Variants in NBPF3 observed in about 807,000 individuals in gnomAD.
The protein encoded by NBPF3 is NBPF family member NBPF3.
In NBPF3, 57 loss-of-function variants were observed where a neutral mutation model predicts 78.1. That is an observed-to-expected ratio of 0.73 (90% CI 0.59 to 0.91). The LOEUF is 0.91. Ranked by LOEUF, NBPF3 falls within the 40% of genes least tolerant of loss-of-function variation. The pLI, the probability that NBPF3 is intolerant of heterozygous loss-of-function variation, is 0.00. For synonymous variants in NBPF3, 182 were observed against 271.7 expected (o/e 0.67, Z 3.25); for missense variants, 510 against 715.3 (o/e 0.71, Z 3.27).
Position 21,484,038 on chromosome 1 carries a change from A to C in NBPF3, c.*652A>C, listed in dbSNP as rs1643356548. ...CTGCTCCTTTCAATTCCATCCTGTA[A>C]AGAACAGGAGTCAGGAGCCGCTGGC... On this transcript the variant is annotated 3_prime_UTR_variant, in exon 15 of 15. Coordinates refer to ENST00000318249, the MANE Select transcript of NBPF3 (RefSeq NM_032264.6). The C allele has an allele frequency of 6.7e-6, 1 of 148,408 alleles. No individual in the cohort carries two copies. Among genetic ancestry groups the C allele is most frequent in the Non-Finnish European group, 1.5e-5 (1 of 67,116 alleles). 9.2% of individuals were successfully genotyped at this position (148,408 alleles called of 1,614,324 possible).
chr1:21,479,413 A>G lies in NBPF3; in HGVS notation c.1208+13A>G. The stretch of plus-strand genomic sequence containing the variant: ...CCACAAGTCCCAGGTGAGTCTGAGA[A>G]ATTATGGACAGTTAATTTGATGTTG... On this transcript the variant is annotated intron_variant, in intron 10 of 14. Coordinates refer to ENST00000318249, the MANE Select transcript of NBPF3 (RefSeq NM_032264.6). 1 of 1,607,650 alleles carries G rather than the reference A, an allele frequency of 6.2e-7. No individual in the cohort carries two copies. The highest frequency in any genetic ancestry group is 8.5e-7 in the Non-Finnish European group (1 of 1,177,294).
intron 2 of NBPF3, among the ~76,000 whole-genome samples, chr1:21,456,237 T>C (rs1415659880): frequency 6.6e-6 from 1 of 152,178 alleles, no homozygotes; most frequent in African/African-American, 2.4e-5. Flanking sequence ...ACACAATCAA[T>C]GACACAAGTT....
chr1:21,478,623 G>C (rs1033629308), intron 9 of NBPF3, among the ~76,000 whole-genome samples: 10 of 152,216 alleles, frequency 6.6e-5, no homozygotes, highest in African/African-American at 2.4e-4. Context: ...TTGTCTGTCA[G>C]ATCAGCTCAC....
At chr1:21,463,588 A>G (rs1642076765) in intron 2 of NBPF3, among the ~76,000 whole-genome samples, 1 of 152,234 alleles carries the variant, frequency 6.6e-6, no homozygotes, top group Admixed American at 6.5e-5. Flanking sequence ...AGGCACAAAC[A>G]ACCGAAAAAT....
rs1317124010 is a variant in NBPF3, at chr1:21,445,040, G to A, written c.-47G>A. On this transcript the variant is annotated 5_prime_UTR_variant, in exon 2 of 15. Coordinates refer to ENST00000318249, the MANE Select transcript of NBPF3 (RefSeq NM_032264.6). Reference sequence around the variant, plus strand: ...AATTGTCCCTTGCCGTCCTCCTGAGGGTATCTGGAGCTTCAGTGCTGTGTG... The same window carrying A: ...AATTGTCCCTTGCCGTCCTCCTGAGAGTATCTGGAGCTTCAGTGCTGTGTG... 3 of 1,581,626 alleles carry A rather than the reference G, an allele frequency of 1.9e-6. No homozygotes were observed. The South Asian group carries it at 3.4e-5, about 18-fold the overall frequency.
chr1:21,470,030 TTA>T (rs1333300267), intron 3 of NBPF3, among the ~76,000 whole-genome samples: 1 of 152,228 alleles, frequency 6.6e-6, no homozygotes, highest in Non-Finnish European at 1.5e-5. Context: ...TAACACTCTG[TTA>T]GTTCTTCATT....
chr1:21,453,934 A>C lies in NBPF3; in HGVS notation c.133+8715A>C, dbSNP rs1409975016. 2.6e-5 allele frequency: 4 copies of C among 152,198 alleles called. No homozygotes were observed. In the East Asian group the frequency reaches 7.7e-4, roughly 29 times the overall value. 9.4% of individuals were successfully genotyped at this position (152,198 alleles called of 1,614,324 possible). On this transcript the variant is annotated intron_variant, in intron 2 of 14. Transcript: ENST00000318249. ...GGCCCTGAAGCCATTTATGTGGGTGACTGAGGAAAGGGAAATACTCAGAGC... is the reference window on the plus strand; with the variant it reads ...GGCCCTGAAGCCATTTATGTGGGTGCCTGAGGAAAGGGAAATACTCAGAGC...
intron 8 of NBPF3, among the ~76,000 whole-genome samples, chr1:21,477,549 G>T (rs1363843372): frequency 5.3e-5 from 8 of 152,022 alleles, no homozygotes; most frequent in South Asian, 2.1e-4. Context: ...GTCTGGTGGA[G>T]TTTGCTGGAG....
chr1:21,471,373 C>G (rs1330080801), intron 4 of NBPF3, among the ~76,000 whole-genome samples, 196 bp from the exon 5 acceptor site: 2 of 152,148 alleles, frequency 1.3e-5, no homozygotes, highest in Non-Finnish European at 2.9e-5. Context: ...CTTCCAGGAG[C>G]CCTCTCTCAT....
At chr1:21,441,266 T>A (rs1414834131) in intron 1 of NBPF3, among the ~76,000 whole-genome samples, 6 of 152,216 alleles carry the variant, frequency 3.9e-5, no homozygotes, top group Non-Finnish European at 8.8e-5. Context: ...TTCTTTTTGT[T>A]TTTAAATTTT....
chr1:21,454,330 A>T (rs1641477026), intron 2 of NBPF3: 1 of 152,134 alleles, frequency 6.6e-6, no homozygotes, highest in African/African-American at 2.4e-5. Flanking sequence ...TTACTGATAA[A>T]CTCAATAGTT....
chr1:21,472,732 C>T (rs1478388765), intron 5 of NBPF3, 111 bp from the exon 6 acceptor site: 2 of 824,138 alleles, frequency 2.4e-6, no homozygotes, highest in Non-Finnish European at 4.3e-6. Flanking sequence ...TGAGAGCTTT[C>T]AGCTGAACAG....
Position 21,471,760 on chromosome 1 carries a change from A to G in NBPF3, c.638A>G (p.His213Arg). The change falls in exon 5 of 15, where the codon CAC (histidine) becomes CGC (arginine). Residue 213 changes from histidine to arginine, a missense_variant. By Grantham distance (29) the His-to-Arg change is conservative. This residue lies in a region of NBPF3 where 440 missense variants were observed against 478.2 expected (regional missense o/e 0.92). Coordinates refer to ENST00000318249, the MANE Select transcript of NBPF3 (RefSeq NM_032264.6). ...QLAEGCRLAQ[H>R]LVQKLSPEND... Reference sequence around the variant, plus strand: ...GCTGAGGGATGTAGGCTGGCACAGCACCTCGTCCAAAAGCTCAGCCCAGGT... The same window carrying G: ...GCTGAGGGATGTAGGCTGGCACAGCGCCTCGTCCAAAAGCTCAGCCCAGGT... 6.2e-7 allele frequency: 1 copy of G among 1,612,872 alleles called. No homozygotes were observed. The highest frequency in any genetic ancestry group is 8.5e-7 in the Non-Finnish European group (1 of 1,179,784).
intron 5 of NBPF3, among the ~76,000 whole-genome samples, 174 bp downstream of exon 5, chr1:21,471,957 C>T (rs114099752): frequency 0.013 from 1,959 of 152,222 alleles, 45 homozygotes; most frequent in African/African-American, 0.044. Flanking sequence ...GGTGGGAAAC[C>T]GATTGGGTTG....
In NBPF3 at chr1:21,476,706, A is replaced by G. The variant is rs1642905961; in HGVS notation, c.993-1438A>G. On this transcript the variant is annotated intron_variant, in intron 8 of 14. Coordinates refer to ENST00000318249, the MANE Select transcript of NBPF3 (RefSeq NM_032264.6). This position sits in a 1 kb window ranked among gnomAD's most constrained non-coding sequence, Gnocchi z 4.1. ...TCGACCATTCTCTCTGGCTGCCCTT[A>G]ACATTTTTTCCTTCTTTCAACCTTG... Among the ~76,000 whole-genome samples the G allele has an allele frequency of 6.6e-6, 1 of 152,112 alleles. No individual in the cohort carries two copies. The highest frequency in any genetic ancestry group is 2.4e-5 in the African/African-American group (1 of 41,432).
At chr1:21,481,421 A>G (rs1270774085) in intron 12 of NBPF3, among the ~76,000 whole-genome samples, 176 bp from the exon 13 acceptor site, 2 of 149,450 alleles carry the variant, frequency 1.3e-5, no homozygotes, top group African/African-American at 2.5e-5. Context: ...TTTCTCTTTC[A>G]TTCTTTTCTG....
In NBPF3 at chr1:21,473,521, C is replaced by T. The variant is rs780717262; in HGVS notation, c.876C>T (p.Val292=). 1.6e-5 allele frequency: 26 copies of T among 1,614,062 alleles called. No homozygotes were observed. Among genetic ancestry groups the T allele is most frequent in the Middle Eastern group, 1.6e-4 (1 of 6,084 alleles). The part of the protein sequence containing the change: ...NTRITFEEDQ[V]DSTLIDSSSH... ...GAATCACATTTGAGGAAGACCAAGT[C>T]GACTCAACTCTCATTGACTCATCCT... The change falls in exon 7 of 15, where the codon GTC becomes GTT. Residue 292 remains valine, a synonymous_variant. Transcript: ENST00000318249.
At position 21,484,000 on chromosome 1, in the gene NBPF3, G is replaced by A. The variant is rs1236813892; in HGVS notation, c.*614G>A. The A allele has an allele frequency of 6.5e-6, 1 of 153,712 alleles. No homozygotes were observed. Among genetic ancestry groups the A allele is most frequent in the African/African-American group, 2.4e-5 (1 of 41,218 alleles). The allele number at this position is 153,712 out of a possible 1,614,324, so 9.5% of individuals were successfully genotyped here. On this transcript the variant is annotated 3_prime_UTR_variant, in exon 15 of 15. Transcript: ENST00000318249. ...ACAGCTAGACGGACAAACAGCATTG[G>A]GAGGCCTTAGTCCTGCTCCTTTCAA... is the stretch of plus-strand genomic sequence containing the variant.
At chr1:21,450,331 C>T (rs1259726669) in intron 2 of NBPF3, among the ~76,000 whole-genome samples, 1 of 152,182 alleles carries the variant, frequency 6.6e-6, no homozygotes, top group Admixed American at 6.5e-5. Flanking sequence ...CCATCATCAA[C>T]CAATAACAAC....
Sources: gnomAD v4.1 joint callset for allele counts (sites outside exome capture counted in the v4.1 genomes callset) on GRCh38, gnomAD v4.1.1 for gene constraint, gnomAD v4.1.1 regional missense constraint, Gnocchi (gnomAD v3.1) non-coding constraint, MANE v1.5 for transcripts, NCBI Gene and HGNC (gene_info 2026-07-23, HGNC 2026-07-21) for gene names.